Variants in NT5DC1 observed in about 807,000 individuals in gnomAD.
NT5DC1 encodes 5'-nucleotidase domain containing 1.
A neutral mutation model predicts 59.4 loss-of-function variants in NT5DC1; 42 were observed. That is an observed-to-expected ratio of 0.71 (90% CI 0.55 to 0.92). The LOEUF is 0.92. NT5DC1 is among the 40% of genes least tolerant of loss of function. The pLI is 0.00. For missense variants in NT5DC1, 501 were observed against 537.1 expected (o/e 0.93, Z 0.66); for synonymous variants, 172 against 188.1 (o/e 0.91, Z 0.70).
chr6:116,101,812 T>A (rs543166295), intron 1 of NT5DC1, among the ~76,000 whole-genome samples: 2 of 152,300 alleles, frequency 1.3e-5, no homozygotes, highest in South Asian at 4.1e-4. Flanking sequence ...AGGAAACTAA[T>A]TTTGAAAAGT....
intron 8 of NT5DC1, among the ~76,000 whole-genome samples, chr6:116,226,418 T>G (rs1313136141): frequency 6.6e-6 from 1 of 152,108 alleles, no homozygotes; most frequent in African/African-American, 2.4e-5. Flanking sequence ...CCAAGTTTTT[T>G]TTAACATGTT....
intron 6 of NT5DC1, among the ~76,000 whole-genome samples, chr6:116,188,258 A>G (rs553385432): frequency 6.6e-6 from 1 of 152,120 alleles, no homozygotes; most frequent in African/African-American, 2.4e-5. Context: ...TAAATTGTTG[A>G]GTTGGTTTTG....
chr6:116,247,423 T>C lies in NT5DC1; in HGVS notation c.*3399T>C, dbSNP rs1054810848. ...AAGCAGGCCTACTCTTTCTTCATAT[T>C]CTGGGTTAATGTTCACCTTGACTGC... On this transcript the variant is annotated 3_prime_UTR_variant, in exon 12 of 12. Coordinates refer to ENST00000319550, the MANE Select transcript of NT5DC1 (RefSeq NM_152729.3). 2.0e-5 allele frequency: 3 copies of C among 152,146 alleles called. No homozygotes were observed. Among genetic ancestry groups the C allele is most frequent in the Non-Finnish European group, 4.4e-5 (3 of 67,996 alleles). 9.4% of individuals were successfully genotyped at this position (152,146 alleles called of 1,614,324 possible).
At chr6:116,132,020 GC>G (rs1207028900) in intron 6 of NT5DC1, among the ~76,000 whole-genome samples, 1 of 152,092 alleles carries the variant, frequency 6.6e-6, no homozygotes, top group Non-Finnish European at 1.5e-5. Context: ...GTTTTTTATG[GC>G]TGCATAGTAT....
chr6:116,182,201 G>C (rs1420361101), intron 6 of NT5DC1, among the ~76,000 whole-genome samples: 1 of 137,230 alleles, frequency 7.3e-6, no homozygotes, highest in African/African-American at 2.8e-5. Context: ...TCTTTTTATG[G>C]CTGAGTAGTA....
intron 6 of NT5DC1, among the ~76,000 whole-genome samples, chr6:116,156,040 T>C (rs1311172429): frequency 1.3e-5 from 2 of 152,188 alleles, no homozygotes; most frequent in Non-Finnish European, 2.9e-5. Flanking sequence ...AATAAAACAT[T>C]ATGATAGTCA....
At position 116,246,952 on chromosome 6, in the gene NT5DC1, TTACTCTC is replaced by T. The variant is rs1386266815; in HGVS notation, c.*2931_*2937del. 3.3e-5 allele frequency: 5 copies of T among 152,184 alleles called. No individual in the cohort carries two copies. The highest frequency in any genetic ancestry group is 7.4e-5 in the Non-Finnish European group (5 of 68,018). The allele number at this position is 152,184 out of a possible 1,614,324, so 9.4% of individuals were successfully genotyped here. A position where few individuals can be genotyped will look rare whatever the true frequency, so the allele number is the denominator to read the frequency against. ...GGCTACTTCATGTACATTATCTTGTTTACTCTCTATAGCAACCATATGAGATGTATAT... is the reference window on the plus strand; with the variant it reads ...GGCTACTTCATGTACATTATCTTGTTTATAGCAACCATATGAGATGTATAT... On this transcript the variant is annotated 3_prime_UTR_variant, in exon 12 of 12. Coordinates refer to ENST00000319550, the MANE Select transcript of NT5DC1 (RefSeq NM_152729.3).
intron 4 of NT5DC1, among the ~76,000 whole-genome samples, chr6:116,113,498 C>A (rs535741145): frequency 2.0e-5 from 3 of 152,168 alleles, no homozygotes; most frequent in African/African-American, 7.2e-5. Flanking sequence ...CTCTTCTATA[C>A]AGAGGTGGAC....
At chr6:116,209,424 A>G (rs1006518209) in intron 6 of NT5DC1, among the ~76,000 whole-genome samples, 3 of 152,060 alleles carry the variant, frequency 2.0e-5, no homozygotes, top group Admixed American at 6.6e-5. Context: ...TATTAGGAGT[A>G]TAAACATGAA....
intron 6 of NT5DC1, among the ~76,000 whole-genome samples, chr6:116,177,224 T>TAATCTATG (rs1780754711): frequency 1.3e-5 from 2 of 152,202 alleles, no homozygotes; most frequent in Admixed American, 1.3e-4. Context: ...TTTAGTCTCA[T>TAATCTATG]AGATTATGTT....
chr6:116,194,844 T>C (rs1388447966), intron 6 of NT5DC1, among the ~76,000 whole-genome samples: 1 of 152,066 alleles, frequency 6.6e-6, no homozygotes, highest in Non-Finnish European at 1.5e-5. Context: ...TAAGACACTC[T>C]ACATACTGTT....
chr6:116,214,820 TAA>T (rs558357110), intron 6 of NT5DC1, among the ~76,000 whole-genome samples: 2 of 142,482 alleles, frequency 1.4e-5, no homozygotes, highest in African/African-American at 5.1e-5. Context: ...TAAAGTATAA[TAA>T]AAAAAAAAAG....
chr6:116,104,903 C>T (rs2114896961), intron 1 of NT5DC1, among the ~76,000 whole-genome samples: 1 of 152,130 alleles, frequency 6.6e-6, no homozygotes. Flanking sequence ...TTTCAGTGTT[C>T]TCTGTGCTTC....
At chr6:116,236,304 T>G (rs762644867) in intron 8 of NT5DC1, among the ~76,000 whole-genome samples, 5 of 152,242 alleles carry the variant, frequency 3.3e-5, no homozygotes, top group Non-Finnish European at 7.3e-5. Flanking sequence ...CTCTTCAGCT[T>G]TTCAGCTCAC....
chr6:116,180,344 C>T (rs1337256911), intron 6 of NT5DC1, among the ~76,000 whole-genome samples: 7 of 151,866 alleles, frequency 4.6e-5, no homozygotes, highest in African/African-American at 1.7e-4. Flanking sequence ...CTCATTGGTG[C>T]AGGACAGTTT....
intron 6 of NT5DC1, chr6:116,120,182 G>A (rs1055993555): frequency 6.2e-7 from 1 of 1,614,146 alleles, no homozygotes; most frequent in African/African-American, 1.3e-5. Flanking sequence ...GTCATTTTCT[G>A]TGAGATCGAT....
chr6:116,101,602 A>G (rs957563684), intron 1 of NT5DC1, among the ~76,000 whole-genome samples: 7 of 152,218 alleles, frequency 4.6e-5, no homozygotes, highest in Admixed American at 2.6e-4. Flanking sequence ...CCTTCTATCA[A>G]GAGAAGAAAA....
rs1420069319 is a variant in NT5DC1 at position 116,244,709 on chromosome 6, T to G, written c.*685T>G. On this transcript the variant is annotated 3_prime_UTR_variant, in exon 12 of 12. Coordinates refer to ENST00000319550, the MANE Select transcript of NT5DC1 (RefSeq NM_152729.3). ...GATTTTTGCAGGCTATGAGGTTTTA[T>G]GCTATTCCTGTGTTCTCCAAAACAA... 1 of 152,256 alleles carries G rather than the reference T, an allele frequency of 6.6e-6. No homozygotes were observed. The highest frequency in any genetic ancestry group is 2.4e-5 in the African/African-American group (1 of 41,474). 9.4% of individuals were successfully genotyped at this position (152,256 alleles called of 1,614,324 possible). A position where few individuals can be genotyped will look rare whatever the true frequency, so the allele number is the denominator to read the frequency against.
intron 6 of NT5DC1, among the ~76,000 whole-genome samples, chr6:116,167,322 C>T (rs1014006844): frequency 6.7e-6 from 1 of 149,246 alleles, no homozygotes. Flanking sequence ...CAGCGATTCT[C>T]CTGCCTCAGC....
Sources: gnomAD v4.1 joint callset for allele counts (sites outside exome capture counted in the v4.1 genomes callset) on GRCh38, gnomAD v4.1.1 for gene constraint, MANE v1.5 for transcripts, NCBI Gene and HGNC (gene_info 2026-07-23, HGNC 2026-07-21) for gene names.